XAB2: variants seen among roughly 807,000 people sequenced by gnomAD.
XAB2 encodes the protein pre-mRNA-splicing factor SYF1.
In XAB2, 57 loss-of-function variants were observed where a neutral mutation model predicts 113.4. That is an observed-to-expected ratio of 0.50 (90% CI 0.41 to 0.63). The LOEUF (loss-of-function observed/expected upper bound fraction) is 0.63. Ranked by LOEUF, XAB2 falls within the 20% of genes least tolerant of loss-of-function variation. The pLI is 0.00. For missense variants in XAB2, 1,037 were observed against 1,233.3 expected, an observed-to-expected ratio of 0.84 and a Z score of 2.38; for synonymous variants, 497 against 498.8, an observed-to-expected ratio of 1.00 and a Z score of 0.05.
chr19:7,622,204 T>TTTG (rs2031047919), intron 12 of XAB2, 127 bp downstream of exon 12: 1 of 914,496 alleles, frequency 1.1e-6, no homozygotes, highest in African/African-American at 1.6e-5. Context: ...AAGCTAAATC[T>TTTG]TTGTTGTTTA....
chr19:7,627,683 G>A lies in XAB2; in HGVS notation c.324+45C>T. On this transcript the variant is annotated intron_variant, in intron 3 of 18. Coordinates refer to ENST00000358368, the MANE Select transcript of XAB2 (RefSeq NM_020196.3). This position sits in a 1 kb window ranked among gnomAD's most constrained non-coding sequence, Gnocchi z 4.5. ...TGTCCCCGCCCCACCCACCACCATG[G>A]ACTGAGCTCCACTTCCCGATTCATC... 1 of 1,609,054 alleles carries A rather than the reference G, an allele frequency of 6.2e-7. No homozygotes were observed. The highest frequency in any genetic ancestry group is 1.1e-5 in the South Asian group (1 of 90,780).
chr19:7,627,660 T>TGGGGGGGGGGGCC lies in XAB2; in HGVS notation c.324+67_324+68insGGCCCCCCCCCCC. On this transcript the variant is annotated intron_variant, in intron 3 of 18. Coordinates refer to ENST00000358368, the MANE Select transcript of XAB2 (RefSeq NM_020196.3). The surrounding 1 kb of genome is among the most constrained non-coding windows in gnomAD (Gnocchi z 4.5). ...CCTAACATGCTGAGCCCAGCCCCTGTCCCCGCCCCACCCACCACCATGGAC... is the reference window on the plus strand; with the variant it reads ...CCTAACATGCTGAGCCCAGCCCCTGTGGGGGGGGGGGCCCCCCGCCCCACCCACCACCATGGAC... 1 of 1,572,308 alleles carries TGGGGGGGGGGGCC rather than the reference T, an allele frequency of 6.4e-7. No individual in the cohort carries two copies. The highest frequency in any genetic ancestry group is 2.3e-5 in the East Asian group (1 of 44,316).
At position 7,625,541 on chromosome 19, in the gene XAB2, C is replaced by T. The variant is rs902837538; in HGVS notation, c.822+339G>A. 1.4e-5 allele frequency among the ~76,000 whole-genome samples: 2 copies of T among 146,378 alleles called. No individual in the cohort carries two copies. The highest frequency in any genetic ancestry group is 2.1e-4 in the South Asian group (1 of 4,652). Reference sequence around the variant, plus strand: ...CCACCCAGGCTGGACTTCCGTGGCGCGATCGCAGCTCACGGCAACCTCCAC... The same window carrying T: ...CCACCCAGGCTGGACTTCCGTGGCGTGATCGCAGCTCACGGCAACCTCCAC... On this transcript the variant is annotated intron_variant, in intron 6 of 18. Transcript: ENST00000358368. This position sits in a 1 kb window ranked among gnomAD's most constrained non-coding sequence, Gnocchi z 5.2.
In XAB2 at chr19:7,627,801, T is replaced by C; in HGVS notation, c.251A>G (p.His84Arg). ...ATAGGCAGGGTCGGTCACACAGCGA[T>C]GCTTCACCTGTGCCCGACGCGCCTT... Reference protein sequence around the residue: ...YLKARRAQVKHRCVTDPAYED... With the variant: ...YLKARRAQVKRRCVTDPAYED... The change falls in exon 3 of 19, where the codon CAT becomes CGT. Residue 84 changes from histidine to arginine, a missense_variant. His to Arg is a conservative substitution (Grantham distance 29). Transcript: ENST00000358368. This position sits in a 1 kb window ranked among gnomAD's most constrained non-coding sequence, Gnocchi z 4.5. 6.2e-7 allele frequency: 1 copy of C among 1,613,996 alleles called. No homozygotes were observed. The highest frequency in any genetic ancestry group is 8.5e-7 in the Non-Finnish European group (1 of 1,180,036).
chr19:7,624,477 G>GA lies in XAB2; in HGVS notation c.823-33dup. 2 of 1,613,364 alleles carry GA rather than the reference G, an allele frequency of 1.2e-6. No homozygotes were observed. Among genetic ancestry groups the GA allele is most frequent in the Non-Finnish European group, 1.7e-6 (2 of 1,179,918 alleles). ...GGACCCAGGGAAGGGGAGGTGAGAG[G>GA]AAAGTGGCGCAGGGGACAGGCAGCA... On this transcript the variant is annotated intron_variant, in intron 6 of 18. Transcript: ENST00000358368. This position sits in a 1 kb window ranked among gnomAD's most constrained non-coding sequence, Gnocchi z 4.2.
Position 7,625,117 on chromosome 19 carries a change from G to A in XAB2, c.823-672C>T, listed in dbSNP as rs906739733. 3.9e-5 allele frequency among the ~76,000 whole-genome samples: 6 copies of A among 152,118 alleles called. No homozygotes were observed. Among genetic ancestry groups the A allele is most frequent in the Admixed American group, 6.5e-5 (1 of 15,276 alleles). The stretch of plus-strand genomic sequence containing the variant: ...TGGGTTCCTGAGCCTCCCCGCTCTC[G>A]GCTCTGGCCCCCTCTGCACCCACCT... On this transcript the variant is annotated intron_variant, in intron 6 of 18. Transcript: ENST00000358368. This position sits in a 1 kb window ranked among gnomAD's most constrained non-coding sequence, Gnocchi z 5.2.
At position 7,619,793 on chromosome 19, in the gene XAB2, C is replaced by T. The variant is rs752563124; in HGVS notation, c.2460G>A (p.Gln820=). ...CGTCCTCGTCCTCGTCCTCGCCCAGCTGGATCTCCTCGGGGTTGACCTGCT... is the reference window on the plus strand; with the variant it reads ...CGTCCTCGTCCTCGTCCTCGCCCAGTTGGATCTCCTCGGGGTTGACCTGCT... ...LAQQVNPEEI[Q]LGEDEDEDEM... The change falls in exon 18 of 19, where the codon CAG becomes CAA. Residue 820 remains glutamine (Q), a synonymous_variant. Coordinates refer to ENST00000358368, the MANE Select transcript of XAB2 (RefSeq NM_020196.3). 1 of 1,613,710 alleles carries T rather than the reference C, an allele frequency of 6.2e-7. No individual in the cohort carries two copies. Among genetic ancestry groups the T allele is most frequent in the Non-Finnish European group, 8.5e-7 (1 of 1,179,948 alleles).
chr19:7,621,268 C>G lies in XAB2; in HGVS notation c.1647G>C (p.Lys549Asn). ...KAYERGISLFKWPNVSDIWST... is the reference protein window; with the variant it reads ...KAYERGISLFNWPNVSDIWST... ...TCCAGATGTCGGACACGTTGGGCCA[C>G]TTGAACAGCGAGATGCCGCGCTCGT... Residue 549 changes from lysine to asparagine, a missense_variant, in exon 13 of 19, where the codon AAG (lysine) becomes AAC (asparagine). Physicochemically the swap from Lys to Asn is moderately conservative, Grantham distance 94. Coordinates refer to ENST00000358368, the MANE Select transcript of XAB2 (RefSeq NM_020196.3). 1 of 1,613,072 alleles carries G rather than the reference C, an allele frequency of 6.2e-7. No homozygotes were observed. Among genetic ancestry groups the G allele is most frequent in the South Asian group, 1.1e-5 (1 of 91,090 alleles).
rs761301524 is a variant in XAB2, at chr19:7,624,492, G to C, written c.823-47C>G. ...GAGGTGAGAGGAAAGTGGCGCAGGG[G>C]ACAGGCAGCAGCACTCTTAGCACCA... On this transcript the variant is annotated intron_variant, in intron 6 of 18. Transcript: ENST00000358368. This position sits in a 1 kb window ranked among gnomAD's most constrained non-coding sequence, Gnocchi z 4.2. 6.2e-7 allele frequency: 1 copy of C among 1,611,902 alleles called. No individual in the cohort carries two copies. The highest frequency in any genetic ancestry group is 1.7e-5 in the Admixed American group (1 of 60,008).
At chr19:7,622,059 G>A (rs1012057282) in intron 12 of XAB2, 1 of 385,878 alleles carries the variant, frequency 2.6e-6, no homozygotes, top group Non-Finnish European at 4.7e-6. Flanking sequence ...AATTTCAAAA[G>A]TGACACACAC....
At chr19:7,621,106 A>AAC in intron 13 of XAB2, 29 bp downstream of exon 13, 1 of 677,192 alleles carries the variant, frequency 1.5e-6, no homozygotes, top group African/African-American at 3.7e-5. Flanking sequence ...CCCGCCCGCC[A>AAC]CCCCCCCCAT....
chr19:7,622,238 TCA>T, intron 12 of XAB2, 91 bp downstream of exon 12: 1 of 1,202,786 alleles, frequency 8.3e-7, no homozygotes, highest in Non-Finnish European at 1.2e-6. Flanking sequence ...GTATACTGTG[TCA>T]CACAAGCCCC....
In XAB2 at chr19:7,620,622, G is replaced by C; in HGVS notation, c.2019C>G (p.Asp673Glu). The C allele has an allele frequency of 1.2e-6, 2 of 1,613,228 alleles. No individual in the cohort carries two copies. The highest frequency in any genetic ancestry group is 3.3e-5 in the Admixed American group (2 of 60,020). Reference sequence around the variant, plus strand: ...CAATCTCCCCGAGCTTGCACTCCATGTCTGCAAACCGCAGGCACATCTCAC... The same window carrying C: ...CAATCTCCCCGAGCTTGCACTCCATCTCTGCAAACCGCAGGCACATCTCAC... The part of the protein sequence containing the change: ...HAREMCLRFA[D>E]MECKLGEIDR... The change falls in exon 15 of 19, where the codon GAC (aspartate) becomes GAG (glutamate). Residue 673 changes from aspartate to glutamate, a missense_variant. Transcript: ENST00000358368.
rs2031051032 is a variant in XAB2, at chr19:7,622,347, A to G, written c.1601T>C (p.Phe534Ser). The G allele has an allele frequency of 1.2e-6, 2 of 1,614,026 alleles. No individual in the cohort carries two copies. The highest frequency in any genetic ancestry group is 1.7e-6 in the Non-Finnish European group (2 of 1,180,038). The change falls in exon 12 of 19, where the codon TTC (phenylalanine) becomes TCC (serine). Residue 534 changes from phenylalanine to serine, a missense_variant. By Grantham distance (155) the Phe-to-Ser change is radical. Transcript: ENST00000358368. ...YAMFLEEHKY[F>S]EESFKAYERG... ...GCCCCTCACCTTGAAGCTCTCCTCGAAGTACTTGTGCTCCTCCAGGAACAT... is the reference window on the plus strand; with the variant it reads ...GCCCCTCACCTTGAAGCTCTCCTCGGAGTACTTGTGCTCCTCCAGGAACAT...
rs1472608056 is a variant in XAB2 at position 7,623,506 on chromosome 19, G to A, written c.1120-217C>T. ...AGAGAGCTGTGACCCTCCAAGGGGCGGGGCCACGAGGGAGCTGTGGCCCTC... is the reference window on the plus strand; with the variant it reads ...AGAGAGCTGTGACCCTCCAAGGGGCAGGGCCACGAGGGAGCTGTGGCCCTC... On this transcript the variant is annotated intron_variant, in intron 8 of 18. Coordinates refer to ENST00000358368, the MANE Select transcript of XAB2 (RefSeq NM_020196.3). This position sits in a 1 kb window ranked among gnomAD's most constrained non-coding sequence, Gnocchi z 4.6. Among the ~76,000 whole-genome samples, 2 of 151,920 alleles carry A rather than the reference G, an allele frequency of 1.3e-5. No individual in the cohort carries two copies. The highest frequency in any genetic ancestry group is 2.4e-5 in the African/African-American group (1 of 41,334).
chr19:7,623,922 G>A lies in XAB2; in HGVS notation c.968-40C>T, dbSNP rs776716127. ...CATGTTTGTCAGGGGCGGAGACCCA[G>A]GATGCAGGTCCCCGGATGCCACCGC... On this transcript the variant is annotated intron_variant, in intron 7 of 18. Transcript: ENST00000358368. The surrounding 1 kb of genome is among the most constrained non-coding windows in gnomAD (Gnocchi z 4.6). 1 of 1,504,490 alleles carries A rather than the reference G, an allele frequency of 6.6e-7. No individual in the cohort carries two copies. The highest frequency in any genetic ancestry group is 8.9e-7 in the Non-Finnish European group (1 of 1,128,878). 93.2% of individuals were successfully genotyped at this position (1,504,490 alleles called of 1,614,324 possible).
At position 7,619,641 on chromosome 19, in the gene XAB2, C is replaced by T. The variant is rs144798612; in HGVS notation, c.2513G>A (p.Arg838Gln). ...DEMDLEPNEV[R>Q]LEQQSVPAAV... is the part of the protein sequence containing the mutation. Reference sequence around the variant, plus strand: ...GGCTGGCACGCTCTGCTGCTCCAGCCGAACCTCTGTGGGGAAGGCGGGAGC... The same window carrying T: ...GGCTGGCACGCTCTGCTGCTCCAGCTGAACCTCTGTGGGGAAGGCGGGAGC... The change falls in exon 19 of 19, where the codon CGG (arginine) becomes CAG (glutamine). Residue 838 changes from arginine (R) to glutamine (Q), a missense_variant. Coordinates refer to ENST00000358368, the MANE Select transcript of XAB2 (RefSeq NM_020196.3). The T allele has an allele frequency of 1.6e-5, 26 of 1,603,720 alleles. No individual in the cohort carries two copies. Among genetic ancestry groups the T allele is most frequent in the African/African-American group, 4.0e-5 (3 of 74,776 alleles).
chr19:7,626,356 C>G (rs114989404), intron 4 of XAB2, 86 bp from the exon 5 acceptor site: 3 of 1,547,788 alleles, frequency 1.9e-6, no homozygotes, highest in South Asian at 1.2e-5. Context: ...GGCGTCCCCC[C>G]CCACCCATTT....
At chr19:7,621,331 T>G in intron 12 of XAB2, 34 bp from the exon 13 acceptor site, 1 of 1,605,458 alleles carries the variant, frequency 6.2e-7, no homozygotes, top group Non-Finnish European at 8.5e-7. Flanking sequence ...TGTGAGAGTC[T>G]GCAGATAGAG....
Sources: gnomAD v4.1 joint callset for allele counts (sites outside exome capture counted in the v4.1 genomes callset) on GRCh38, gnomAD v4.1.1 for gene constraint, Gnocchi (gnomAD v3.1) non-coding constraint, MANE v1.5 for transcripts, NCBI Gene and HGNC (gene_info 2026-07-23, HGNC 2026-07-21) for gene names.